LARP4B: variants seen among roughly 807,000 people sequenced by gnomAD.
LARP4B encodes La ribonucleoprotein 4B.
Under a neutral mutation model 89.8 loss-of-function variants are expected in LARP4B, and 12 were observed. That is an observed-to-expected ratio of 0.13 (90% CI 0.09 to 0.22). The LOEUF (loss-of-function observed/expected upper bound fraction) is 0.22. LARP4B is among the 10% of genes least tolerant of loss of function. The pLI is 1.00. For missense variants in LARP4B, 757 were observed against 947.7 expected (o/e 0.80, Z 2.64); for synonymous variants, 367 against 363.3 (o/e 1.01, Z -0.12).
intron 12 of LARP4B, among the ~76,000 whole-genome samples, 168 bp from the exon 13 acceptor site, chr10:825,484 T>C (rs1832572116): frequency 6.6e-6 from 1 of 152,246 alleles, no homozygotes; most frequent in African/African-American, 2.4e-5. Flanking sequence ...TGCAAATCTA[T>C]TAACAATGTG....
chr10:857,403 G>T (rs1367680036), intron 5 of LARP4B, among the ~76,000 whole-genome samples: 1 of 152,194 alleles, frequency 6.6e-6, no homozygotes, highest in Non-Finnish European at 1.5e-5. Context: ...GGACATGGAT[G>T]AGGATCTATC....
chr10:944,189 C>T, the LARP4B span, among the ~76,000 whole-genome samples: 10 of 152,124 alleles, frequency 6.6e-5, no homozygotes, highest in Non-Finnish European at 8.8e-5. Context: ...CAACATTCAC[C>T]TGCTACCAAC....
intron 1 of LARP4B, among the ~76,000 whole-genome samples, chr10:888,337 C>CAA (rs547831151): frequency 3.1e-4 from 38 of 123,832 alleles, no homozygotes; most frequent in South Asian, 1.1e-3. Flanking sequence ...AACAAACAAA[C>CAA]AAAAAAAAAA....
intron 3 of LARP4B, among the ~76,000 whole-genome samples, chr10:872,164 A>G (rs1389618575): frequency 6.6e-6 from 1 of 152,242 alleles, no homozygotes; most frequent in African/African-American, 2.4e-5. Context: ...TAGGGAATTC[A>G]GTGCAAGCTT....
chr10:936,059 G>A (rs1399126430), upstream of LARP4B, among the ~76,000 whole-genome samples: 1 of 152,000 alleles, frequency 6.6e-6, no homozygotes, highest in African/African-American at 2.4e-5. Context: ...AGCATTTTCT[G>A]TGAAAAAATA....
chr10:886,614 G>T (rs1179392631), intron 1 of LARP4B, among the ~76,000 whole-genome samples: 2 of 152,146 alleles, frequency 1.3e-5, no homozygotes, highest in African/African-American at 4.8e-5. Flanking sequence ...CTATGCTATG[G>T]AATTATGTAT....
At chr10:951,260 T>A in the LARP4B span, among the ~76,000 whole-genome samples, 1 of 152,042 alleles carries the variant, frequency 6.6e-6, no homozygotes, top group Non-Finnish European at 1.5e-5. Flanking sequence ...TTTTTAACAG[T>A]TTTTTAGGCC....
intron 5 of LARP4B, among the ~76,000 whole-genome samples, chr10:845,292 C>T (rs779104771): frequency 6.6e-6 from 1 of 152,182 alleles, no homozygotes; most frequent in Non-Finnish European, 1.5e-5. Context: ...GTCTCATTAG[C>T]AGAGTTCAGC....
At chr10:854,697 C>T (rs1834215872) in intron 5 of LARP4B, among the ~76,000 whole-genome samples, 1 of 151,964 alleles carries the variant, frequency 6.6e-6, no homozygotes, top group Admixed American at 6.5e-5. Flanking sequence ...ACAGGGAGAG[C>T]AAATTTAGCA....
chr10:930,617 A>G (rs559426907), intron 1 of LARP4B, among the ~76,000 whole-genome samples: 20 of 152,350 alleles, frequency 1.3e-4, no homozygotes, highest in African/African-American at 4.8e-4. Context: ...GCGCACCCTG[A>G]GAGGCAGGTG....
rs182508931 is a variant in LARP4B at position 910,373 on chromosome 10, T to C, written c.-40+21055A>G. Among the ~76,000 whole-genome samples, 31 of 152,316 alleles carry C rather than the reference T, an allele frequency of 2.0e-4. No homozygotes were observed. The East Asian group carries it at 5.4e-3, about 27-fold the overall frequency. ...TCAGCTTCTTCCTTTTAGGCTGACA[T>C]ACGTGATGTAAGACAGCAGGATTCA... On this transcript the variant is annotated intron_variant, in intron 1 of 17. Coordinates refer to ENST00000316157, the MANE Select transcript of LARP4B (RefSeq NM_015155.3).
chr10:906,616 T>C (rs1225640917), intron 1 of LARP4B, among the ~76,000 whole-genome samples: 3 of 152,256 alleles, frequency 2.0e-5, no homozygotes, highest in African/African-American at 7.2e-5. Flanking sequence ...CAGTTTCTCA[T>C]GGCTTCTGTT....
the LARP4B span, chr10:986,064 T>C: frequency 2.0e-5 from 3 of 148,718 alleles, no homozygotes; most frequent in African/African-American, 4.8e-5. Flanking sequence ...TGCCTACTGA[T>C]GGCTAATCCC....
upstream of LARP4B, among the ~76,000 whole-genome samples, chr10:935,589 G>A (rs1164261846): frequency 6.6e-6 from 1 of 152,206 alleles, no homozygotes. Context: ...CTCAAGGGCA[G>A]AGGCAGCGAG....
At chr10:887,267 G>C (rs1162287408) in intron 1 of LARP4B, among the ~76,000 whole-genome samples, 5 of 152,134 alleles carry the variant, frequency 3.3e-5, no homozygotes, top group Non-Finnish European at 7.3e-5. Flanking sequence ...CTCGAAACTT[G>C]CTGAGAGTAT....
Position 842,237 on chromosome 10 carries a change from C to T in LARP4B, c.646+695G>A, listed in dbSNP as rs545939602. ...TTTATGAGATGGAGTCTATCTCTGT[C>T]GCCAGGCTGGAGTGCAATGGCACAA... On this transcript the variant is annotated intron_variant, in intron 7 of 17. Coordinates refer to ENST00000316157, the MANE Select transcript of LARP4B (RefSeq NM_015155.3). Among the ~76,000 whole-genome samples the T allele has an allele frequency of 1.4e-4, 21 of 151,586 alleles. No individual in the cohort carries two copies. The South Asian group carries it at 2.1e-3, about 15-fold the overall frequency.
intron 17 of LARP4B, among the ~76,000 whole-genome samples, chr10:813,801 C>CTT (rs35886091): frequency 0.013 from 1,713 of 136,260 alleles, 38 homozygotes; most frequent in African/African-American, 0.043. Flanking sequence ...CCCTTAATAA[C>CTT]TTTTTTTTTT....
chr10:919,754 C>A (rs1836929283), intron 1 of LARP4B, among the ~76,000 whole-genome samples: 1 of 152,218 alleles, frequency 6.6e-6, no homozygotes, highest in African/African-American at 2.4e-5. Flanking sequence ...TCCAAGACTG[C>A]ACACAGACTC....
intron 1 of LARP4B, among the ~76,000 whole-genome samples, chr10:926,479 G>C (rs909503978): frequency 1.3e-5 from 2 of 152,202 alleles, no homozygotes; most frequent in African/African-American, 4.8e-5. Flanking sequence ...GTGGGGCAGG[G>C]CAAGAAGGAA....
Sources: allele counts gnomAD v4.1 joint callset (sites outside exome capture counted in the v4.1 genomes callset), GRCh38; gene constraint gnomAD v4.1.1; transcripts MANE v1.5; gene names NCBI Gene and HGNC (gene_info 2026-07-23, HGNC 2026-07-21).